Variants in ANO1 observed in about 807,000 individuals in gnomAD.
ANO1 encodes anoctamin-1.
ANO1 carries 59 observed loss-of-function variants against 124.0 expected under a neutral mutation model. The observed-to-expected ratio is 0.48, with a 90% CI of 0.39 to 0.59. The LOEUF (loss-of-function observed/expected upper bound fraction) is 0.59, where lower values mean the gene tolerates loss of function less well. ANO1 is among the 20% of genes least tolerant of loss of function. ANO1 has a pLI of 0.00. For missense variants in ANO1, 1,059 were observed against 1,328.0 expected (o/e 0.80, Z 3.15); for synonymous variants, 529 against 532.0 (o/e 0.99, Z 0.08).
upstream of ANO1, chr11:70,075,334 TC>T (rs2044044581): frequency 6.6e-6 from 1 of 152,122 alleles, no homozygotes; most frequent in Non-Finnish European, 1.5e-5. Flanking sequence ...GATGCTTGCA[TC>T]CCCGGTGACT....
chr11:70,184,600 G>C (rs552416530), intron 24 of ANO1, among the ~76,000 whole-genome samples: 1 of 152,322 alleles, frequency 6.6e-6, no homozygotes, highest in African/African-American at 2.4e-5. Flanking sequence ...ACCCGGGTAG[G>C]GCAGGGCGGG....
intron 1 of ANO1, among the ~76,000 whole-genome samples, chr11:70,020,066 G>A (rs1856772807): frequency 6.6e-6 from 1 of 152,222 alleles, no homozygotes; most frequent in South Asian, 2.1e-4. Flanking sequence ...GGTCAGGCTT[G>A]GTGGGCGGGC....
upstream of ANO1, among the ~76,000 whole-genome samples, chr11:70,073,421 G>A (rs187218385): frequency 9.2e-5 from 14 of 152,322 alleles, no homozygotes; most frequent in East Asian, 2.7e-3. Context: ...CTAACCGCGC[G>A]ACTTAACATT....
intron 11 of ANO1, among the ~76,000 whole-genome samples, chr11:70,132,602 G>A (rs2135529054): frequency 6.6e-6 from 1 of 152,342 alleles, no homozygotes; most frequent in East Asian, 1.9e-4. Context: ...ATTGCCACTG[G>A]GCTCCACTGC....
At chr11:70,142,371 C>T (rs2047186329) in intron 11 of ANO1, among the ~76,000 whole-genome samples, 1 of 152,064 alleles carries the variant, frequency 6.6e-6, no homozygotes, top group African/African-American at 2.4e-5. Context: ...TAGGTGGGGA[C>T]GAAGGGGATG....
chr11:70,013,392 A>G (rs4980734), intron 1 of ANO1, among the ~76,000 whole-genome samples: 1 of 151,496 alleles, frequency 6.6e-6, no homozygotes. Context: ...CCTTTTTTTT[A>G]AAAAAGGAGG....
intron 22 of ANO1, among the ~76,000 whole-genome samples, chr11:70,174,209 A>G (rs2048590162): frequency 6.6e-6 from 1 of 151,412 alleles, no homozygotes; most frequent in South Asian, 2.1e-4. Context: ...AAGTGCTGGG[A>G]TTACAGGCGT....
At chr11:70,116,422 G>A in intron 7 of ANO1, 36 bp from the exon 8 acceptor site, 1 of 1,577,674 alleles carries the variant, frequency 6.3e-7, no homozygotes, top group Non-Finnish European at 8.6e-7. Flanking sequence ...AGCTCCATTG[G>A]ATGATAAGAA....
chr11:70,141,228 G>A (rs749905803), intron 11 of ANO1, among the ~76,000 whole-genome samples: 16 of 152,188 alleles, frequency 1.1e-4, no homozygotes, highest in Non-Finnish European at 1.8e-4. Context: ...CCCATGGGCT[G>A]TGGCCGTTCA....
At chr11:69,983,129 G>T (rs551489995), upstream of ANO1, among the ~76,000 whole-genome samples, 1 of 152,206 alleles carries the variant, frequency 6.6e-6, no homozygotes, top group East Asian at 2.0e-4. Flanking sequence ...CTGCATGATG[G>T]TGCTGGTGGC....
intron 1 of ANO1, among the ~76,000 whole-genome samples, chr11:70,009,228 G>A (rs1243589086): frequency 6.6e-6 from 1 of 152,178 alleles, no homozygotes; most frequent in Non-Finnish European, 1.5e-5. Context: ...CCGAGCACGA[G>A]CCAAGACTAG....
chr11:70,165,596 C>A, intron 20 of ANO1, 26 bp downstream of exon 20: 1 of 1,587,496 alleles, frequency 6.3e-7, no homozygotes, highest in South Asian at 1.1e-5. Flanking sequence ...CGGGTTAGAG[C>A]GGCAGGGGCG....
At chr11:69,984,391 CATT>C (rs1554996618), upstream of ANO1, among the ~76,000 whole-genome samples, 1 of 3,910 alleles carries the variant, frequency 2.6e-4, no homozygotes, top group Non-Finnish European at 1.2e-3. Flanking sequence ...GAAACGAGAT[CATT>C]TCTGAGTCCG....
intron 8 of ANO1, among the ~76,000 whole-genome samples, chr11:70,117,009 T>C (rs2046000263): frequency 3.3e-5 from 5 of 152,148 alleles, no homozygotes; most frequent in Admixed American, 1.3e-4. Flanking sequence ...CCTGGAACCC[T>C]TTTAATGGAG....
In ANO1 at chr11:70,165,546, A is replaced by G; in HGVS notation, c.2027A>G (p.Asn676Ser). The G allele has an allele frequency of 1.9e-6, 3 of 1,611,856 alleles. No individual in the cohort carries two copies. The highest frequency in any genetic ancestry group is 2.5e-6 in the Non-Finnish European group (3 of 1,179,166). Residue 676 changes from asparagine to serine, a missense_variant, in exon 20 of 26, where the codon AAC becomes AGC. Asn to Ser is a conservative substitution (Grantham distance 46, BLOSUM62 1). Coordinates refer to ENST00000355303, the MANE Select transcript of ANO1 (RefSeq NM_018043.7). Reference protein sequence around the residue: ...IIMLGKQLIQNNLFEIGIPKM... With the variant: ...IIMLGKQLIQSNLFEIGIPKM... Reference sequence around the variant, plus strand: ...ATGCTGGGGAAACAGCTGATCCAGAACAACCTGTTCGAGATCGGCATCCCG... The same window carrying G: ...ATGCTGGGGAAACAGCTGATCCAGAGCAACCTGTTCGAGATCGGCATCCCG...
intron 5 of ANO1, among the ~76,000 whole-genome samples, chr11:70,106,523 G>C (rs929284682): frequency 2.0e-5 from 3 of 152,160 alleles, no homozygotes; most frequent in African/African-American, 7.2e-5. Flanking sequence ...AGACTGGCAG[G>C]CAGCCAGCAG....
rs549947332 is a variant in ANO1 at position 69,999,021 on chromosome 11, G to A, written c.58+12855G>A. Among the ~76,000 whole-genome samples the A allele has an allele frequency of 1.7e-4, 22 of 128,490 alleles. No individual in the cohort carries two copies. In the East Asian group the frequency reaches 2.6e-3, roughly 15 times the overall value. The allele number at this position is 128,490 out of a possible 152,430, so 84.3% of individuals were successfully genotyped here. On this transcript the variant is annotated intron_variant, in intron 1 of 27. Coordinates refer to the ANO1 transcript ENST00000531349. The stretch of plus-strand genomic sequence containing the variant: ...TGCACTCCAGCCTGGGTGACAGAGT[G>A]AGACTGTCTCAAAAAAAAAAAAAAA...
chr11:70,076,801 C>G (rs1301116657), upstream of ANO1, among the ~76,000 whole-genome samples: 2 of 152,228 alleles, frequency 1.3e-5, no homozygotes, highest in Non-Finnish European at 1.5e-5. Flanking sequence ...GCCCCAAGTT[C>G]AAGGAAGTCA....
the ANO1 span, among the ~76,000 whole-genome samples, chr11:69,975,604 C>T: frequency 6.6e-6 from 1 of 152,218 alleles, no homozygotes; most frequent in Non-Finnish European, 1.5e-5. Flanking sequence ...AGGGACACCC[C>T]CTCACTTGGT....
Sources: allele counts gnomAD v4.1 joint callset (sites outside exome capture counted in the v4.1 genomes callset), GRCh38; gene constraint gnomAD v4.1.1; transcripts MANE v1.5; gene names NCBI Gene and HGNC (gene_info 2026-07-23, HGNC 2026-07-21).